Variants in USH2A observed in about 807,000 individuals in gnomAD.
The protein encoded by USH2A is usherin, also known as Usher syndrome 2A (autosomal recessive, mild).
Under a neutral mutation model 538.9 loss-of-function variants are expected in USH2A, and 443 were observed. That is an observed-to-expected ratio of 0.82 (90% CI 0.76 to 0.89). The LOEUF (loss-of-function observed/expected upper bound fraction) is 0.89. Ranked by LOEUF, USH2A falls within the 40% of genes least tolerant of loss-of-function variation. USH2A has a pLI of 0.00. For synonymous variants in USH2A, 2,413 were observed against 2,273.5 expected (o/e 1.06, Z -1.75); for missense variants, 6,633 against 6,324.8 (o/e 1.05, Z -1.65).
chr1:216,408,402 AT>A (rs776532679), intron 3 of USH2A, among the ~76,000 whole-genome samples: 15 of 152,146 alleles, frequency 9.9e-5, no homozygotes, highest in Non-Finnish European at 1.8e-4. Flanking sequence ...CTCCCAGTGA[AT>A]GCCTGAAACC....
At chr1:216,017,809 T>TG (rs769637703) in intron 32 of USH2A, among the ~76,000 whole-genome samples, 6 of 152,224 alleles carry the variant, frequency 3.9e-5, no homozygotes, top group Non-Finnish European at 8.8e-5. Flanking sequence ...CACCTGAGAA[T>TG]GGTTCTCAAT....
chr1:216,082,513 C>T (rs1418848147), intron 26 of USH2A, among the ~76,000 whole-genome samples: 2 of 148,516 alleles, frequency 1.3e-5, no homozygotes, highest in Admixed American at 6.7e-5. Context: ...AAAGCCAAGA[C>T]TTGTATTTGT....
chr1:216,236,171 A>G (rs1411229997), intron 13 of USH2A, among the ~76,000 whole-genome samples: 3 of 152,156 alleles, frequency 2.0e-5, no homozygotes, highest in Admixed American at 1.3e-4. Context: ...GGGTTTTTCA[A>G]TTAAATTAGG....
At chr1:216,349,992 A>T (rs1022089113) in intron 4 of USH2A, among the ~76,000 whole-genome samples, 3 of 152,136 alleles carry the variant, frequency 2.0e-5, no homozygotes, top group African/African-American at 7.2e-5. Flanking sequence ...TACAGGAAGG[A>T]TAGTGCTAAT....
chr1:216,350,152 A>G (rs1386353315), intron 4 of USH2A, among the ~76,000 whole-genome samples: 2 of 152,060 alleles, frequency 1.3e-5, no homozygotes, highest in African/African-American at 4.8e-5. Context: ...TAACTCATTC[A>G]CTATCACAAT....
intron 11 of USH2A, among the ~76,000 whole-genome samples, chr1:216,254,146 A>C (rs1275321433): frequency 6.6e-6 from 1 of 152,186 alleles, no homozygotes; most frequent in Non-Finnish European, 1.5e-5. Context: ...CATTTCATTA[A>C]TCTCTCTGTA....
intron 11 of USH2A, among the ~76,000 whole-genome samples, chr1:216,286,488 G>A (rs2036887617): frequency 6.6e-6 from 1 of 152,088 alleles, no homozygotes; most frequent in Non-Finnish European, 1.5e-5. Flanking sequence ...TAGCACTTTG[G>A]GAGGCTGAGG....
intron 3 of USH2A, among the ~76,000 whole-genome samples, chr1:216,372,747 CA>C (rs2038738413): frequency 6.6e-6 from 1 of 152,078 alleles, no homozygotes; most frequent in Non-Finnish European, 1.5e-5. Flanking sequence ...GGGAGAGTTC[CA>C]GCTGGTTTTT....
Position 216,190,291 on chromosome 1 carries a change from G to C in USH2A, c.4328C>G (p.Thr1443Ser). The C allele has an allele frequency of 6.2e-7, 1 of 1,612,576 alleles. No homozygotes were observed. The highest frequency in any genetic ancestry group is 8.5e-7 in the Non-Finnish European group (1 of 1,179,116). The change falls in exon 20 of 72, where the codon ACT becomes AGT. Residue 1443 changes from threonine to serine, a missense_variant. Coordinates refer to ENST00000307340, the MANE Select transcript of USH2A (RefSeq NM_206933.4). ...GLKPYRIYEF[T>S]ITLCNSVGCV... ...ACCAACTGAATTGCAGAGAGTAATA[G>C]TAAACTCATATATCCTATAAGGTTT...
intron 44 of USH2A, among the ~76,000 whole-genome samples, chr1:215,862,420 G>A (rs548461077): frequency 3.3e-5 from 5 of 152,002 alleles, no homozygotes; most frequent in African/African-American, 7.2e-5. Context: ...GTCGTGGGGT[G>A]GGGGGAGTGG....
At chr1:216,043,790 G>A (rs2030398172) in intron 32 of USH2A, among the ~76,000 whole-genome samples, 1 of 152,092 alleles carries the variant, frequency 6.6e-6, no homozygotes, top group Non-Finnish European at 1.5e-5. Flanking sequence ...TTTGGAAAGA[G>A]TCAAGGCCCA....
chr1:215,989,791 G>A (rs1466862407), intron 35 of USH2A, among the ~76,000 whole-genome samples: 2 of 151,960 alleles, frequency 1.3e-5, no homozygotes, highest in Non-Finnish European at 2.9e-5. Context: ...GAGACCATGA[G>A]GAGAAATCAA....
intron 37 of USH2A, among the ~76,000 whole-genome samples, chr1:215,951,685 G>A (rs574811195): frequency 3.0e-4 from 46 of 152,160 alleles, no homozygotes; most frequent in African/African-American, 1.0e-3. Context: ...TTGTGTGGGA[G>A]TCTAAGTCTC....
At position 215,900,117 on chromosome 1, in the gene USH2A, T is replaced by C. The variant is rs752937814; in HGVS notation, c.7552A>G (p.Ser2518Gly). The change falls in exon 40 of 72, where the codon AGT (serine) becomes GGT (glycine). Residue 2518 changes from serine (S) to glycine (G), a missense_variant. By Grantham distance (56) the Ser-to-Gly change is moderately conservative (BLOSUM62 0). Coordinates refer to ENST00000307340, the MANE Select transcript of USH2A (RefSeq NM_206933.4). ...FRLVASNGFGSAHSSWIPFMT... is the reference protein window; with the variant it reads ...FRLVASNGFGGAHSSWIPFMT... ...AATGGAATCCAAGAACTATGTGCACTGCCAAATCCATTGGAGGCAACCAAC... is the reference window on the plus strand; with the variant it reads ...AATGGAATCCAAGAACTATGTGCACCGCCAAATCCATTGGAGGCAACCAAC... The C allele has an allele frequency of 1.9e-6, 3 of 1,613,746 alleles. No homozygotes were observed. The highest frequency in any genetic ancestry group is 1.1e-5 in the South Asian group (1 of 91,084).
chr1:216,200,166 T>C (rs1368553482), intron 16 of USH2A, 45 bp from the exon 17 acceptor site: 10 of 1,582,520 alleles, frequency 6.3e-6, no homozygotes, highest in Non-Finnish European at 7.7e-6. Flanking sequence ...ATTTCACAAG[T>C]TGGTGAAGAA....
At chr1:216,249,575 C>T (rs1369899608) in intron 12 of USH2A, among the ~76,000 whole-genome samples, 2 of 152,084 alleles carry the variant, frequency 1.3e-5, no homozygotes, top group African/African-American at 4.8e-5. Context: ...TCTCTTTACA[C>T]GTTATTCTTT....
chr1:215,985,609 A>C (rs1002130043), intron 35 of USH2A, among the ~76,000 whole-genome samples: 1 of 152,114 alleles, frequency 6.6e-6, no homozygotes, highest in Non-Finnish European at 1.5e-5. Context: ...AATTATAGCT[A>C]TTATTATTAT....
chr1:215,989,521 C>T (rs56112483), intron 35 of USH2A, among the ~76,000 whole-genome samples: 2 of 152,058 alleles, frequency 1.3e-5, no homozygotes, highest in Non-Finnish European at 2.9e-5. Context: ...GTGAAGGAAC[C>T]TAGTAGGTCA....
At chr1:215,998,482 T>C (rs1185087999) in intron 34 of USH2A, among the ~76,000 whole-genome samples, 3 of 152,102 alleles carry the variant, frequency 2.0e-5, no homozygotes, top group African/African-American at 7.2e-5. Flanking sequence ...TAAACTTCCA[T>C]TTAAAAATAT....
Sources: gnomAD v4.1 joint callset for allele counts (sites outside exome capture counted in the v4.1 genomes callset) on GRCh38, gnomAD v4.1.1 for gene constraint, MANE v1.5 for transcripts, NCBI Gene and HGNC (gene_info 2026-07-23, HGNC 2026-07-21) for gene names.